The following OR4F17 variants were observed in gnomAD, a reference collection of about 807,000 sequenced individuals.
The protein encoded by OR4F17 is olfactory receptor 4F17.
For synonymous variants in OR4F17, 1 was observed against 120.7 expected, an observed-to-expected ratio of 0.01 and a Z score of 6.50; for missense variants, 1 against 323.6, an observed-to-expected ratio of 0.00 and a Z score of 7.65.
chr19:109,892 A>C (rs1968683413), intron 2 of OR4F17, among the ~76,000 whole-genome samples: 1 of 152,194 alleles, frequency 6.6e-6, no homozygotes, highest in South Asian at 2.1e-4. Flanking sequence ...CACAACCTGC[A>C]GTTATTACCT....
intron 2 of OR4F17, among the ~76,000 whole-genome samples, chr19:109,010 T>TAAAGC: frequency 6.6e-6 from 1 of 151,322 alleles, no homozygotes; most frequent in South Asian, 2.1e-4. Flanking sequence ...CACTATGAAT[T>TAAAGC]ACTGTTCTTT....
intron 2 of OR4F17, among the ~76,000 whole-genome samples, chr19:109,552 C>T (rs1968678857): frequency 8.2e-6 from 1 of 122,292 alleles, no homozygotes; most frequent in African/African-American, 2.9e-5. Flanking sequence ...TTATTTTCCA[C>T]ATCTTGCCAA....
chr19:107,792 T>TTA (rs778763230), intron 2 of OR4F17, among the ~76,000 whole-genome samples: 179 of 122,250 alleles, frequency 1.5e-3, no homozygotes, highest in East Asian at 0.013. Flanking sequence ...ATATTACATA[T>TTA]TATATATATA....
At chr19:108,934 T>A (rs1968667864) in intron 2 of OR4F17, among the ~76,000 whole-genome samples, 1 of 151,814 alleles carries the variant, frequency 6.6e-6, no homozygotes, top group East Asian at 2.0e-4. Context: ...AGTAATGTGC[T>A]GCTTTGAGTG....
chr19:110,336 CAT>C (rs1968690669), intron 2 of OR4F17, among the ~76,000 whole-genome samples: 1 of 148,360 alleles, frequency 6.7e-6, no homozygotes, highest in African/African-American at 2.4e-5. Flanking sequence ...AGGAGATAAA[CAT>C]AGAGTTATGG....
chr19:108,165 AT>A (rs1968654014), intron 2 of OR4F17, among the ~76,000 whole-genome samples: 3 of 83,018 alleles, frequency 3.6e-5, no homozygotes, highest in Non-Finnish European at 8.0e-5. Flanking sequence ...AATATGTATA[AT>A]ATATATTATA....
chr19:107,828 A>T lies in OR4F17; in HGVS notation c.-55+273A>T. Among the ~76,000 whole-genome samples the T allele has an allele frequency of 1.7e-5, 2 of 121,018 alleles. 1 individual carries two copies. Among genetic ancestry groups the T allele is most frequent in the African/African-American group, 6.1e-5 (2 of 32,548 alleles). 79.4% of individuals were successfully genotyped at this position (121,018 alleles called of 152,430 possible). Reference sequence around the variant, plus strand: ...TAATATATATTATATAATATATAATATAAATATAATATAAATTATATAAAT... The same window carrying T: ...TAATATATATTATATAATATATAATTTAAATATAATATAAATTATATAAAT... On this transcript the variant is annotated intron_variant, in intron 2 of 2. Coordinates refer to ENST00000585993, the MANE Select transcript of OR4F17 (RefSeq NM_001005240.3).
At chr19:110,179 A>G in intron 2 of OR4F17, among the ~76,000 whole-genome samples, 1 of 148,872 alleles carries the variant, frequency 6.7e-6, no homozygotes, top group Admixed American at 6.8e-5. Context: ...TCCTCTGTTA[A>G]TTTTTAAGTA....
rs1438810201 is a variant in OR4F17, at chr19:108,138, CAT to C, written c.-55+588_-55+589del. On this transcript the variant is annotated intron_variant, in intron 2 of 2. Coordinates refer to ENST00000585993, the MANE Select transcript of OR4F17 (RefSeq NM_001005240.3). ...TAATATATATTATATTTATATATAA[CAT>C]ATATTATTATATAAAATATGTATAA... Among the ~76,000 whole-genome samples, 10 of 115,240 alleles carry C rather than the reference CAT, an allele frequency of 8.7e-5. No individual in the cohort carries two copies. The East Asian group carries it at 1.8e-3, about 21-fold the overall frequency. 75.6% of individuals were successfully genotyped at this position (115,240 alleles called of 152,430 possible).
At chr19:109,604 A>G (rs1192843279) in intron 2 of OR4F17, among the ~76,000 whole-genome samples, 16 of 129,836 alleles carry the variant, frequency 1.2e-4, no homozygotes, top group Admixed American at 8.7e-5. Flanking sequence ...GCTATTATAT[A>G]TTGACCATTA....
At chr19:109,711 G>GT (rs1347219655) in intron 2 of OR4F17, among the ~76,000 whole-genome samples, 89 of 137,178 alleles carry the variant, frequency 6.5e-4, no homozygotes, top group African/African-American at 2.2e-3. Context: ...AGATGTGGCC[G>GT]TAAGACTGAA....
At chr19:107,695 A>G (rs1968628736) in intron 2 of OR4F17, 140 bp downstream of exon 2, 1 of 353,030 alleles carries the variant, frequency 2.8e-6, no homozygotes, top group African/African-American at 2.2e-5. Context: ...GCCAGAACCC[A>G]AATGCCTACT....
At chr19:109,835 G>A (rs868332318) in intron 2 of OR4F17, among the ~76,000 whole-genome samples, 1,175 of 148,932 alleles carry the variant, frequency 7.9e-3, no homozygotes, top group African/African-American at 0.028. Flanking sequence ...TACGTTGCTC[G>A]ATGGGATCTT....
In OR4F17 at chr19:111,200, T is replaced by TC; in HGVS notation, c.524dup (p.Arg176Ter). On this transcript the variant is annotated frameshift_variant, in exon 3 of 3. Transcript: ENST00000585993. LOFTEE classifies it high-confidence loss of function. ...AGGTCGATAGTTTTTATTGTGACCT[T>TC]CCTAGGGTAATCAAACTTGCCTGTA... 4 of 1,456,080 alleles carry TC rather than the reference T, an allele frequency of 2.7e-6. No individual in the cohort carries two copies. The highest frequency in any genetic ancestry group is 3.8e-6 in the Non-Finnish European group (4 of 1,043,510). The allele number at this position is 1,456,080 out of a possible 1,614,324, so 90.2% of individuals were successfully genotyped here. A position where few individuals can be genotyped will look rare whatever the true frequency, so the allele number is the denominator to read the frequency against.
rs978479189 is a variant in OR4F17, at chr19:107,870, T to A, written c.-55+315T>A. Reference sequence around the variant, plus strand: ...TATATAAATATAATATATATTTTATTATATAATATAATATATATTATATAA... The same window carrying A: ...TATATAAATATAATATATATTTTATAATATAATATAATATATATTATATAA... On this transcript the variant is annotated intron_variant, in intron 2 of 2. Coordinates refer to ENST00000585993, the MANE Select transcript of OR4F17 (RefSeq NM_001005240.3). Among the ~76,000 whole-genome samples, 13 of 74,072 alleles carry A rather than the reference T, an allele frequency of 1.8e-4. No individual in the cohort carries two copies. The East Asian group carries it at 2.6e-3, about 15-fold the overall frequency. The allele number at this position is 74,072 out of a possible 152,430, so 48.6% of individuals were successfully genotyped here.
At chr19:110,096 C>G (rs1394418568) in intron 2 of OR4F17, among the ~76,000 whole-genome samples, 1 of 148,006 alleles carries the variant, frequency 6.8e-6, no homozygotes. Context: ...GTCCTTCACA[C>G]TTTCTCTCAT....
At chr19:108,440 G>A (rs1386742925) in intron 2 of OR4F17, among the ~76,000 whole-genome samples, 3 of 151,602 alleles carry the variant, frequency 2.0e-5, no homozygotes, top group Non-Finnish European at 2.9e-5. Context: ...TTATGGTGGT[G>A]AAGGATCCCC....
intron 2 of OR4F17, among the ~76,000 whole-genome samples, chr19:108,749 TATCTCACAATAAAA>T (rs1296775064): frequency 4.7e-4 from 72 of 152,096 alleles, no homozygotes; most frequent in South Asian, 2.1e-3. Flanking sequence ...GGACAGAAAT[TATCTCACAATAAAA>T]ATCCTATCAT....
chr19:108,210 T>C (rs1049989999), intron 2 of OR4F17, among the ~76,000 whole-genome samples: 6 of 137,042 alleles, frequency 4.4e-5, no homozygotes, highest in Non-Finnish European at 7.8e-5. Context: ...AATATATATA[T>C]TATATATAAT....
Sources: gnomAD v4.1 joint callset for allele counts (sites outside exome capture counted in the v4.1 genomes callset) on GRCh38, gnomAD v4.1.1 for gene constraint, MANE v1.5 for transcripts, NCBI Gene and HGNC (gene_info 2026-07-23, HGNC 2026-07-21) for gene names.